The following FAM193A variants were observed in gnomAD, a reference collection of about 807,000 sequenced individuals.
FAM193A encodes protein FAM193A.
Under a neutral mutation model 126.5 loss-of-function variants are expected in FAM193A, and 22 were observed. The ratio of observed to expected loss-of-function variants is 0.17; its 90% CI spans 0.12 to 0.25. FAM193A has a LOEUF of 0.25. Ranked by LOEUF, FAM193A falls within the 10% of genes least tolerant of loss-of-function variation. The probability of loss-of-function intolerance (pLI) is 1.00; values close to 1 mark genes in which losing one functional copy is unlikely to be tolerated. For missense variants in FAM193A, 1,675 were observed against 1,672.8 expected (o/e 1.00, Z -0.02); for synonymous variants, 761 against 646.8 (o/e 1.18, Z -2.68).
At chr4:2,719,796 C>T (rs1404955087) in intron 20 of FAM193A, among the ~76,000 whole-genome samples, 2 of 129,824 alleles carry the variant, frequency 1.5e-5, no homozygotes, top group Non-Finnish European at 3.4e-5. Context: ...CCCTCCCTCC[C>T]TTCCTTCCTT....
chr4:2,719,371 C>T lies in FAM193A; in HGVS notation c.4454+3267C>T, dbSNP rs1211322650. Among the ~76,000 whole-genome samples, 6 of 152,132 alleles carry T rather than the reference C, an allele frequency of 3.9e-5. No homozygotes were observed. In the East Asian group the frequency reaches 9.6e-4, roughly 24 times the overall value. On this transcript the variant is annotated intron_variant, in intron 20 of 20. Transcript: ENST00000637812. ...AAAAAAAAGAAACAATATACCAAAT[C>T]GAGCAGTGTATTTTAAAAAGCAGTA...
chr4:2,561,873 T>G (rs1738637169), intron 1 of FAM193A, among the ~76,000 whole-genome samples: 1 of 152,204 alleles, frequency 6.6e-6, no homozygotes, highest in Non-Finnish European at 1.5e-5. Flanking sequence ...GAATGTTGTT[T>G]GAGGCCTTTT....
chr4:2,566,970 C>G (rs1004614254), intron 1 of FAM193A, among the ~76,000 whole-genome samples: 1 of 146,788 alleles, frequency 6.8e-6, no homozygotes, highest in Non-Finnish European at 1.5e-5. Flanking sequence ...GACGGAGTCT[C>G]GCTCTGTCGC....
intron 13 of FAM193A, among the ~76,000 whole-genome samples, chr4:2,679,970 C>G (rs1714913113): frequency 6.6e-6 from 1 of 152,068 alleles, no homozygotes; most frequent in African/African-American, 2.4e-5. Flanking sequence ...AAGCGATTCC[C>G]TGGCCTCAGC....
At chr4:2,569,650 A>G (rs1397625198) in intron 1 of FAM193A, among the ~76,000 whole-genome samples, 1 of 151,956 alleles carries the variant, frequency 6.6e-6, no homozygotes, top group Non-Finnish European at 1.5e-5. Flanking sequence ...GGCATGCACC[A>G]CCACACCCGG....
At chr4:2,644,004 A>T (rs1475694195) in intron 6 of FAM193A, among the ~76,000 whole-genome samples, 2 of 152,186 alleles carry the variant, frequency 1.3e-5, no homozygotes, top group Non-Finnish European at 2.9e-5. Context: ...TCACATACAC[A>T]TTGGTAACAT....
intron 4 of FAM193A, among the ~76,000 whole-genome samples, chr4:2,629,467 A>AT (rs1474337508): frequency 1.3e-5 from 2 of 152,176 alleles, no homozygotes; most frequent in African/African-American, 2.4e-5. Context: ...CATCTACACT[A>AT]TTTTTTTAAT....
intron 15 of FAM193A, 81 bp from the exon 16 acceptor site, chr4:2,693,503 CTT>C (rs1462048386): frequency 2.0e-5 from 27 of 1,342,206 alleles, no homozygotes; most frequent in Non-Finnish European, 2.8e-5. Flanking sequence ...AATGGGTACT[CTT>C]TGTGTGTTCT....
chr4:2,611,848 T>G (rs1741893667), intron 2 of FAM193A, among the ~76,000 whole-genome samples: 1 of 151,682 alleles, frequency 6.6e-6, no homozygotes, highest in Non-Finnish European at 1.5e-5. Context: ...ATTTTTTTTT[T>G]TTTTTTGAGA....
At chr4:2,644,755 T>G (rs1744965168) in intron 6 of FAM193A, among the ~76,000 whole-genome samples, 1 of 152,056 alleles carries the variant, frequency 6.6e-6, no homozygotes, top group Non-Finnish European at 1.5e-5. Context: ...TGGAGATAGG[T>G]CAGAGGAGAA....
At chr4:2,720,801 G>A (rs1432064149) in intron 20 of FAM193A, among the ~76,000 whole-genome samples, 6 of 152,174 alleles carry the variant, frequency 3.9e-5, no homozygotes, top group African/African-American at 1.2e-4. Flanking sequence ...ACAAAAGACT[G>A]AAACTTTATT....
chr4:2,544,790 G>C (rs1305567877), intron 1 of FAM193A, among the ~76,000 whole-genome samples: 1 of 151,998 alleles, frequency 6.6e-6, no homozygotes, highest in African/African-American at 2.4e-5. Flanking sequence ...AATTGCTTGA[G>C]CTCAGGAGTC....
intron 12 of FAM193A, among the ~76,000 whole-genome samples, chr4:2,670,457 C>T (rs1309768882): frequency 6.6e-6 from 1 of 152,012 alleles, no homozygotes; most frequent in African/African-American, 2.4e-5. Flanking sequence ...ATGTGGGTCA[C>T]ACTTTTTTTT....
At chr4:2,569,855 A>G (rs1739188678) in intron 1 of FAM193A, among the ~76,000 whole-genome samples, 1 of 152,134 alleles carries the variant, frequency 6.6e-6, no homozygotes, top group Non-Finnish European at 1.5e-5. Context: ...GGACTCCAGT[A>G]TTACCTGGAA....
At chr4:2,663,695 A>G (rs1258565530) in intron 12 of FAM193A, among the ~76,000 whole-genome samples, 2 of 152,214 alleles carry the variant, frequency 1.3e-5, no homozygotes, top group African/African-American at 2.4e-5. Context: ...GGCCGGGCGC[A>G]GTGGCTCACG....
At chr4:2,649,937 A>G (rs762681582) in intron 7 of FAM193A, among the ~76,000 whole-genome samples, 9 of 152,220 alleles carry the variant, frequency 5.9e-5, no homozygotes, top group Non-Finnish European at 1.0e-4. Context: ...CAGCAGAGAC[A>G]TTAGATCCTC....
chr4:2,719,994 C>T, intron 20 of FAM193A: 1 of 260,328 alleles, frequency 3.8e-6, no homozygotes, highest in Non-Finnish European at 8.1e-6. Flanking sequence ...GGGGTTTCGC[C>T]ACATTGCCCA....
Position 2,700,365 on chromosome 4 carries a change from A to G in FAM193A, c.4193A>G (p.Asn1398Ser). ...REERKVNSNNNNKKQLNHIKD... is the reference protein window; with the variant it reads ...REERKVNSNNSNKKQLNHIKD... ...GAGAGAAAAGTCAACAGTAATAACAATAACAAAAAGCAGCTGAACCACATC... is the reference window on the plus strand; with the variant it reads ...GAGAGAAAAGTCAACAGTAATAACAGTAACAAAAAGCAGCTGAACCACATC... The change falls in exon 19 of 21, where the codon AAT (asparagine) becomes AGT (serine). Residue 1398 changes from asparagine (N) to serine (S), a missense_variant. Coordinates refer to ENST00000637812, the MANE Select transcript of FAM193A (RefSeq NM_001366318.2). 1.9e-6 allele frequency: 3 copies of G among 1,614,170 alleles called. No individual in the cohort carries two copies. Among genetic ancestry groups the G allele is most frequent in the East Asian group, 4.5e-5 (2 of 44,858 alleles).
intron 2 of FAM193A, among the ~76,000 whole-genome samples, chr4:2,617,905 C>T (rs954601871): frequency 6.6e-6 from 1 of 152,140 alleles, no homozygotes; most frequent in East Asian, 1.9e-4. Context: ...CTCTCCATTC[C>T]TTTGTGTAGA....
Sources: allele counts gnomAD v4.1 joint callset (sites outside exome capture counted in the v4.1 genomes callset), GRCh38; gene constraint gnomAD v4.1.1; transcripts MANE v1.5; gene names NCBI Gene and HGNC (gene_info 2026-07-23, HGNC 2026-07-21).